FLI1: variants seen among roughly 807,000 people sequenced by gnomAD.
FLI1 encodes the protein Friend leukemia integration 1 transcription factor.
Under a neutral mutation model 53.1 loss-of-function variants are expected in FLI1, and 13 were observed. The observed-to-expected ratio is 0.24, with a 90% CI of 0.16 to 0.39. The LOEUF (loss-of-function observed/expected upper bound fraction) is 0.39. Ranked by LOEUF, FLI1 falls within the 10% of genes least tolerant of loss-of-function variation. The pLI, the probability that FLI1 is intolerant of heterozygous loss-of-function variation, is 1.00. For synonymous variants in FLI1, 244 were observed against 236.7 expected (o/e 1.03, Z -0.28); for missense variants, 424 against 600.5 (o/e 0.71, Z 3.07).
chr11:128,716,098 A>C (rs2135727199), intron 1 of FLI1, among the ~76,000 whole-genome samples: 1 of 152,356 alleles, frequency 6.6e-6, no homozygotes, highest in Non-Finnish European at 1.5e-5. Context: ...GTTAGGAGCC[A>C]GACTGTTAGA....
intron 3 of FLI1, 95 bp from the exon 4 acceptor site, chr11:128,772,687 A>C (rs1941606388): frequency 1.1e-6 from 1 of 937,306 alleles, no homozygotes; most frequent in Admixed American, 1.8e-5. Flanking sequence ...AGAGAAGGGA[A>C]AGAAAGAGGG....
At chr11:128,789,621 T>C (rs922596767) in intron 5 of FLI1, among the ~76,000 whole-genome samples, 3 of 152,246 alleles carry the variant, frequency 2.0e-5, no homozygotes, top group Non-Finnish European at 2.9e-5. Context: ...CCTCGCGATA[T>C]GCACTGCCTG....
intron 4 of FLI1, among the ~76,000 whole-genome samples, 178 bp downstream of exon 4, chr11:128,773,163 T>C (rs776467046): frequency 1.3e-5 from 2 of 152,182 alleles, no homozygotes; most frequent in Middle Eastern, 3.4e-3. Flanking sequence ...GCAGACCCAA[T>C]CCTGAAGTGT....
intron 3 of FLI1, among the ~76,000 whole-genome samples, chr11:128,770,912 G>A (rs1344317734): frequency 6.6e-6 from 1 of 152,200 alleles, no homozygotes; most frequent in Non-Finnish European, 1.5e-5. Context: ...CACTTTAGAG[G>A]AGCTCCGCTT....
chr11:128,692,909 C>G (rs1183054005), upstream of FLI1: 1 of 152,392 alleles, frequency 6.6e-6, no homozygotes, highest in East Asian at 1.9e-4. Context: ...GCGGGGAGGT[C>G]TCCGGGTTGG....
At chr11:128,710,046 G>A (rs1182783888) in intron 1 of FLI1, among the ~76,000 whole-genome samples, 1 of 152,228 alleles carries the variant, frequency 6.6e-6, no homozygotes, top group East Asian at 1.9e-4. Context: ...AGTCACAAGT[G>A]ATGGAGGCCC....
Position 128,730,407 on chromosome 11 carries a change from G to A in FLI1, c.19-27708G>A, listed in dbSNP as rs76019324. Among the ~76,000 whole-genome samples the A allele has an allele frequency of 1.6e-3, 249 of 152,326 alleles. 7 individuals carry two copies. In the East Asian group the frequency reaches 0.042, roughly 26 times the overall value. On this transcript the variant is annotated intron_variant, in intron 1 of 8. Coordinates refer to ENST00000527786, the MANE Select transcript of FLI1 (RefSeq NM_002017.5). ...CATTTCTGTGCTTACTCAATAGGGA[G>A]AAGAGCTGGGTAAGGAGCAAATCGG...
intron 5 of FLI1, among the ~76,000 whole-genome samples, chr11:128,793,525 C>G (rs555854534): frequency 6.6e-6 from 1 of 152,300 alleles, no homozygotes; most frequent in East Asian, 1.9e-4. Flanking sequence ...CAATGCTTAA[C>G]TGGAGAAGAA....
At chr11:128,707,791 G>T (rs1266392460) in intron 1 of FLI1, among the ~76,000 whole-genome samples, 1 of 152,130 alleles carries the variant, frequency 6.6e-6, no homozygotes, top group African/African-American at 2.4e-5. Context: ...TCTGCCCAGA[G>T]CACCCTTTTA....
chr11:128,811,786 T>G lies in FLI1; in HGVS notation c.*798T>G. ...AGCAGATTCGCAAGTGCTGTGCGCT[T>G]GTCAGACCATCAGACCAGGGCCAAC... On this transcript the variant is annotated 3_prime_UTR_variant, in exon 9 of 9. Transcript: ENST00000527786. 4.9e-6 allele frequency: 1 copy of G among 202,538 alleles called. No homozygotes were observed. The allele number at this position is 202,538 out of a possible 1,614,324, so 12.5% of individuals were successfully genotyped here. A position where few individuals can be genotyped will look rare whatever the true frequency, so the allele number is the denominator to read the frequency against.
intron 5 of FLI1, among the ~76,000 whole-genome samples, chr11:128,796,067 A>G (rs1942434440): frequency 6.6e-6 from 1 of 152,038 alleles, no homozygotes; most frequent in South Asian, 2.1e-4. Context: ...ACTGACAGAG[A>G]TGAGAGGCAA....
intron 5 of FLI1, among the ~76,000 whole-genome samples, chr11:128,789,153 G>T (rs554834965): frequency 6.6e-6 from 1 of 152,288 alleles, no homozygotes; most frequent in Non-Finnish European, 1.5e-5. Context: ...GGAAACCAGC[G>T]TGTTTGTTGG....
chr11:128,796,991 A>G (rs1942464353), intron 5 of FLI1, among the ~76,000 whole-genome samples: 1 of 152,156 alleles, frequency 6.6e-6, no homozygotes, highest in Non-Finnish European at 1.5e-5. Flanking sequence ...AAAACAAACA[A>G]ACAAACAAAA....
At chr11:128,698,665 T>C (rs1275495570) in intron 1 of FLI1, among the ~76,000 whole-genome samples, 2 of 151,958 alleles carry the variant, frequency 1.3e-5, no homozygotes, top group African/African-American at 2.4e-5. Flanking sequence ...TTTTGTTACA[T>C]TTTTATGAAT....
intron 1 of FLI1, among the ~76,000 whole-genome samples, chr11:128,702,528 T>C (rs1329033598): frequency 6.6e-6 from 1 of 152,234 alleles, no homozygotes; most frequent in African/African-American, 2.4e-5. Context: ...ATATTTCTTC[T>C]TCTGATTCTC....
chr11:128,790,753 T>C (rs970316326), intron 5 of FLI1, among the ~76,000 whole-genome samples: 1 of 152,220 alleles, frequency 6.6e-6, no homozygotes, highest in Non-Finnish European at 1.5e-5. Context: ...AGGAGGAATT[T>C]TGTGTATGTA....
chr11:128,729,540 A>G (rs1939612545), intron 1 of FLI1, among the ~76,000 whole-genome samples: 1 of 152,252 alleles, frequency 6.6e-6, no homozygotes, highest in African/African-American at 2.4e-5. Context: ...TATGTGAGGC[A>G]TATGGCACTG....
At chr11:128,802,583 T>A (rs2135909815) in intron 5 of FLI1, among the ~76,000 whole-genome samples, 1 of 152,368 alleles carries the variant, frequency 6.6e-6, no homozygotes, top group Non-Finnish European at 1.5e-5. Flanking sequence ...TCTGTGTTTC[T>A]GTCACTTCCT....
intron 1 of FLI1, among the ~76,000 whole-genome samples, 175 bp downstream of exon 1, chr11:128,694,451 G>A (rs1417398965): frequency 1.5e-3 from 14 of 9,102 alleles, no homozygotes; most frequent in Admixed American, 3.3e-3. Context: ...TCGCGGGCCA[G>A]CCGGCCAGGC....
Sources: allele counts gnomAD v4.1 joint callset (sites outside exome capture counted in the v4.1 genomes callset), GRCh38; gene constraint gnomAD v4.1.1; transcripts MANE v1.5; gene names NCBI Gene and HGNC (gene_info 2026-07-23, HGNC 2026-07-21).